Variants in ADCK5 observed in about 807,000 individuals in gnomAD.
The protein encoded by ADCK5 is aarF domain containing kinase 5.
ADCK5 carries 43 observed loss-of-function variants against 64.9 expected under a neutral mutation model. That is an observed-to-expected ratio of 0.66 (90% confidence interval 0.52 to 0.85). The LOEUF (loss-of-function observed/expected upper bound fraction) is 0.85. Among genes scored for constraint, ADCK5 ranks in the 40% least tolerant of loss-of-function variants. The pLI is 0.00. For synonymous variants in ADCK5, 434 were observed against 342.8 expected (o/e 1.27, Z -2.94); for missense variants, 760 against 810.5 (o/e 0.94, Z 0.76).
Position 144,391,237 on chromosome 8 carries a change from G to A in ADCK5, c.647G>A (p.Arg216Lys), listed in dbSNP as rs191793904. Residue 216 changes from arginine to lysine, a missense_variant, in exon 6 of 15, where the codon AGA becomes AAA. By Grantham distance (26) the Arg-to-Lys change is conservative (BLOSUM62 2). Transcript: ENST00000308860. ...IAAASLAQVH[R>K]AKLHDGTSVA... ...GCCGCCAGCCTGGCACAGGTGCACAGAGCCAAGCTGCACGATGGCACCAGC... is the reference window on the plus strand; with the variant it reads ...GCCGCCAGCCTGGCACAGGTGCACAAAGCCAAGCTGCACGATGGCACCAGC... 80 of 1,612,484 alleles carry A rather than the reference G, an allele frequency of 5.0e-5. No individual in the cohort carries two copies. Among genetic ancestry groups the A allele is most frequent in the Non-Finnish European group, 8.5e-7 (1 of 1,180,018 alleles).
chr8:144,393,149 A>AC lies in ADCK5; in HGVS notation c.*79dup. 2.8e-6 allele frequency: 4 copies of AC among 1,410,424 alleles called. No individual in the cohort carries two copies. In the South Asian group the frequency reaches 4.3e-5, roughly 15 times the overall value. 87.4% of individuals were successfully genotyped at this position (1,410,424 alleles called of 1,614,324 possible). ...AGGTGGCGGGGCTAGAGGTGTAGAC[A>AC]CCCCGAGCCCCGTGGGCACTCGCAC... On this transcript the variant is annotated 3_prime_UTR_variant, in exon 15 of 15. Coordinates refer to ENST00000308860, the MANE Select transcript of ADCK5 (RefSeq NM_174922.5).
chr8:144,374,039 T>G (rs1819260745), upstream of ADCK5: 1 of 1,243,288 alleles, frequency 8.0e-7, no homozygotes, highest in Non-Finnish European at 1.0e-6. Flanking sequence ...CAGGGCCTGC[T>G]GGGCTGCGAG....
At position 144,391,572 on chromosome 8, in the gene ADCK5, G is replaced by GC; in HGVS notation, c.799-3dup. 9.5e-6 allele frequency: 15 copies of GC among 1,581,404 alleles called. No individual in the cohort carries two copies. Among genetic ancestry groups the GC allele is most frequent in the Non-Finnish European group, 1.2e-5 (14 of 1,169,176 alleles). ...AGAGCTGGTCTTCAACCGCCATCTGGCCCCCAGGACCTGAAGGGGACCCTG... is the reference window on the plus strand; with the variant it reads ...AGAGCTGGTCTTCAACCGCCATCTGGCCCCCCAGGACCTGAAGGGGACCCTG... On this transcript the variant is annotated splice_polypyrimidine_tract_variant and splice_region_variant and intron_variant, in intron 7 of 14. Transcript: ENST00000308860.
At position 144,391,840 on chromosome 8, in the gene ADCK5, A is replaced by C. The variant is rs1159606161; in HGVS notation, c.988A>C (p.Arg330=). Reference sequence around the variant, plus strand: ...CAAGGTCAACGATGTGGAGGCCATCAGGAGCCAGGGGCTGGCAGTGCATGA... The same window carrying C: ...CAAGGTCAACGATGTGGAGGCCATCCGGAGCCAGGGGCTGGCAGTGCATGA... The part of the protein sequence containing the change: ...GCKVNDVEAI[R]SQGLAVHDIA... Residue 330 remains arginine, a synonymous_variant, in exon 9 of 15, where the codon AGG becomes CGG. Transcript: ENST00000308860. The C allele has an allele frequency of 7.7e-6, 10 of 1,300,216 alleles. No homozygotes were observed. Among genetic ancestry groups the C allele is most frequent in the Non-Finnish European group, 9.9e-6 (10 of 1,005,112 alleles). 80.5% of individuals were successfully genotyped at this position (1,300,216 alleles called of 1,614,324 possible). A position where few individuals can be genotyped will look rare whatever the true frequency, so the allele number is the denominator to read the frequency against.
Position 144,376,870 on chromosome 8 carries a change from G to A in ADCK5, c.13-2517G>A, listed in dbSNP as rs1554857252. 6.6e-6 allele frequency among the ~76,000 whole-genome samples: 1 copy of A among 152,228 alleles called. No individual in the cohort carries two copies. Among genetic ancestry groups the A allele is most frequent in the Non-Finnish European group, 1.5e-5 (1 of 68,026 alleles). ...CTACGAGTCGCTGCCCGGCTGCCTT[G>A]GGTTTTCCTTGTGAATCAGCACTTG... On this transcript the variant is annotated intron_variant, in intron 1 of 14. Transcript: ENST00000308860. This position sits in a 1 kb window ranked among gnomAD's most constrained non-coding sequence, Gnocchi z 5.1.
At chr8:144,373,493 G>A (rs1161898710), upstream of ADCK5, among the ~76,000 whole-genome samples, 1 of 152,206 alleles carries the variant, frequency 6.6e-6, no homozygotes, top group East Asian at 1.9e-4. Flanking sequence ...CTAAGTGACA[G>A]GGACCAAGGG....
chr8:144,387,761 C>T (rs1281024846), intron 3 of ADCK5, among the ~76,000 whole-genome samples: 1 of 148,340 alleles, frequency 6.7e-6, no homozygotes, highest in Non-Finnish European at 1.5e-5. Flanking sequence ...GACAGAGTTT[C>T]ACTCTTGTTG....
chr8:144,388,581 G>A (rs567480134), intron 3 of ADCK5, among the ~76,000 whole-genome samples: 241 of 151,952 alleles, frequency 1.6e-3, no homozygotes, highest in African/African-American at 5.1e-3. Flanking sequence ...TGGCCAACAC[G>A]GTGAAACCCC....
chr8:144,385,122 G>A (rs1554859040), intron 3 of ADCK5, among the ~76,000 whole-genome samples: 1 of 152,094 alleles, frequency 6.6e-6, no homozygotes, highest in Non-Finnish European at 1.5e-5. Context: ...GAAGGTGGAA[G>A]GTTTGGGACA....
chr8:144,374,731 C>T (rs1819295041), intron 1 of ADCK5, among the ~76,000 whole-genome samples: 1 of 152,144 alleles, frequency 6.6e-6, no homozygotes, highest in Non-Finnish European at 1.5e-5. Flanking sequence ...AGGCGGCGGG[C>T]GGGCGGGGGC....
intron 3 of ADCK5, chr8:144,389,172 GC>G: frequency 2.3e-6 from 1 of 436,958 alleles, no homozygotes; most frequent in East Asian, 7.1e-5. Flanking sequence ...CCATCCTCTT[GC>G]CTAAATCTCC....
Position 144,391,610 on chromosome 8 carries a change from G to A in ADCK5, c.829G>A (p.Asp277Asn). 6.4e-7 allele frequency: 1 copy of A among 1,571,524 alleles called. No individual in the cohort carries two copies. Among genetic ancestry groups the A allele is most frequent in the Non-Finnish European group, 8.6e-7 (1 of 1,163,710 alleles). ...DLKGTLAQEL[D>N]FENEGRNAER... ...GAAGGGGACCCTGGCCCAGGAGCTG[G>A]ACTTCGAGAATGAGGGCCGCAACGC... The change falls in exon 8 of 15, where the codon GAC (aspartate) becomes AAC (asparagine). Residue 277 changes from aspartate to asparagine, a missense_variant. Coordinates refer to ENST00000308860, the MANE Select transcript of ADCK5 (RefSeq NM_174922.5).
intron 1 of ADCK5, among the ~76,000 whole-genome samples, chr8:144,374,633 G>A (rs1554856774): frequency 6.6e-6 from 1 of 152,110 alleles, no homozygotes; most frequent in Non-Finnish European, 1.5e-5. Flanking sequence ...CTCGCGAGGC[G>A]GCCTCCCGGA....
intron 1 of ADCK5, among the ~76,000 whole-genome samples, chr8:144,374,641 G>A (rs1819290504): frequency 6.6e-6 from 1 of 152,140 alleles, no homozygotes; most frequent in South Asian, 2.1e-4. Flanking sequence ...GCGGCCTCCC[G>A]GAATCACGGA....
At position 144,384,753 on chromosome 8, in the gene ADCK5, C is replaced by T. The variant is rs141700797; in HGVS notation, c.266+1523C>T. 1.4e-4 allele frequency among the ~76,000 whole-genome samples: 21 copies of T among 152,306 alleles called. No homozygotes were observed. Among genetic ancestry groups the T allele is most frequent in the Non-Finnish European group, 2.5e-4 (17 of 68,040 alleles). On this transcript the variant is annotated intron_variant, in intron 3 of 14. Coordinates refer to ENST00000308860, the MANE Select transcript of ADCK5 (RefSeq NM_174922.5). The surrounding 1 kb of genome is among the most constrained non-coding windows in gnomAD (Gnocchi z 5.7). ...CAGCTGTGTCTGGTGTCCACCTCCT[C>T]GGCCACCGGCTTGGTGAGCCTGCGT... is the stretch of plus-strand genomic sequence containing the variant.
rs1347493508 is a variant in ADCK5 at position 144,376,455 on chromosome 8, C to T, written c.12+2348C>T. ...GGACCAGGGTAGGGTGATGGTGGCC[C>T]GGGGTCTACTGGAGGGATCTCTGTC... On this transcript the variant is annotated intron_variant, in intron 1 of 14. Coordinates refer to ENST00000308860, the MANE Select transcript of ADCK5 (RefSeq NM_174922.5). The surrounding 1 kb of genome is among the most constrained non-coding windows in gnomAD (Gnocchi z 5.1). Among the ~76,000 whole-genome samples, 4 of 152,090 alleles carry T rather than the reference C, an allele frequency of 2.6e-5. No individual in the cohort carries two copies. Among genetic ancestry groups the T allele is most frequent in the Non-Finnish European group, 1.5e-5 (1 of 68,022 alleles).
chr8:144,378,948 T>C (rs1257528114), intron 1 of ADCK5, among the ~76,000 whole-genome samples: 1 of 151,568 alleles, frequency 6.6e-6, no homozygotes, highest in African/African-American at 2.4e-5. Context: ...TTTTTTTTTT[T>C]CTTGAGATGG....
At chr8:144,379,924 C>T (rs990657939) in intron 2 of ADCK5, among the ~76,000 whole-genome samples, 1 of 152,198 alleles carries the variant, frequency 6.6e-6, no homozygotes, top group African/African-American at 2.4e-5. Context: ...CCACAGTGCG[C>T]AGATGGACGG....
Position 144,379,409 on chromosome 8 carries a change from CT to C in ADCK5, c.36del (p.Ala13LeufsTer43). On this transcript the variant is annotated frameshift_variant, in exon 2 of 15. Transcript: ENST00000308860. LOFTEE classifies it high-confidence loss of function. ...WRPVQLCHFH[S>X]ALLHSRQKPW... ...CAGGTGCAGCTCTGTCATTTCCACT[CT>C]GCTCTGCTGCACAGCAGGCAGAAGC... 1.9e-6 allele frequency: 3 copies of C among 1,609,592 alleles called. No homozygotes were observed. The highest frequency in any genetic ancestry group is 2.5e-6 in the Non-Finnish European group (3 of 1,177,522).
Sources: allele counts gnomAD v4.1 joint callset (sites outside exome capture counted in the v4.1 genomes callset), GRCh38; gene constraint gnomAD v4.1.1; non-coding constraint Gnocchi (gnomAD v3.1); transcripts MANE v1.5; gene names NCBI Gene and HGNC (gene_info 2026-07-23, HGNC 2026-07-21).